ABHD2: variants seen among roughly 807,000 people sequenced by gnomAD.
ABHD2 encodes the protein monoacylglycerol lipase ABHD2.
ABHD2 carries 20 observed loss-of-function variants against 48.1 expected under a neutral mutation model. The observed-to-expected ratio is 0.42, with a 90% CI of 0.29 to 0.60. ABHD2 has a LOEUF of 0.60. Ranked by LOEUF, ABHD2 falls within the 20% of genes least tolerant of loss-of-function variation. ABHD2 has a pLI of 0.24. For missense variants in ABHD2, 405 were observed against 550.9 expected (o/e 0.74, Z 2.65); for synonymous variants, 209 against 214.2 (o/e 0.98, Z 0.21).
rs530657090 is a variant in ABHD2, at chr15:89,186,695, C to G, written c.815+1179C>G. 2.0e-4 allele frequency among the ~76,000 whole-genome samples: 30 copies of G among 152,240 alleles called. No homozygotes were observed. Among genetic ancestry groups the G allele is most frequent in the Middle Eastern group, 3.4e-3 (1 of 294 alleles). On this transcript the variant is annotated intron_variant, in intron 7 of 10. Transcript: ENST00000352732. The surrounding 1 kb of genome is among the most constrained non-coding windows in gnomAD (Gnocchi z 4.3). ...AGGGCTTAGGCATGTGTTGATTGCT[C>G]CCAGCACCCGAGACACACCCGTTCG... is the stretch of plus-strand genomic sequence containing the variant.
intron 3 of ABHD2, among the ~76,000 whole-genome samples, chr15:89,132,486 T>A (rs575569643): frequency 1.3e-5 from 2 of 152,310 alleles, no homozygotes; most frequent in Non-Finnish European, 2.9e-5. Flanking sequence ...TGAGCACCAT[T>A]GTTGTAACTA....
rs61602174 is a variant in ABHD2 at position 89,183,384 on chromosome 15, A to AAAAAAAAAAAAAT, written c.723-2039_723-2038insAAAAAAAAAAATA. The AAAAAAAAAAAAAT allele has an allele frequency of 6.5e-5, 3 of 46,268 alleles. 1 individual carries two copies. Among genetic ancestry groups the AAAAAAAAAAAAAT allele is most frequent in the African/African-American group, 2.1e-4 (3 of 14,422 alleles). 2.9% of individuals were successfully genotyped at this position (46,268 alleles called of 1,614,324 possible). On this transcript the variant is annotated intron_variant, in intron 6 of 10. Coordinates refer to ENST00000352732, the MANE Select transcript of ABHD2 (RefSeq NM_152924.5). ...AGTCCTTTTCAAAAAAAAAAAAAAA[A>AAAAAAAAAAAAAT]ATATATATATATATATATATATATA...
chr15:89,130,719 A>G (rs1408974507), intron 3 of ABHD2, among the ~76,000 whole-genome samples: 1 of 152,220 alleles, frequency 6.6e-6, no homozygotes, highest in Non-Finnish European at 1.5e-5. Flanking sequence ...ACACAAATTC[A>G]TAAACTTTCT....
chr15:89,165,012 T>G (rs2050816544), intron 5 of ABHD2, among the ~76,000 whole-genome samples: 1 of 152,258 alleles, frequency 6.6e-6, no homozygotes, highest in Non-Finnish European at 1.5e-5. Flanking sequence ...AGGACGAGTT[T>G]AAGAACCTGC....
the ABHD2 span, among the ~76,000 whole-genome samples, chr15:89,074,408 A>G: frequency 6.6e-6 from 1 of 152,090 alleles, no homozygotes; most frequent in African/African-American, 2.4e-5. Context: ...GAAGATCTTA[A>G]ACAATTCTGA....
At chr15:89,087,679 AG>A (rs1019121343), upstream of ABHD2, 4 of 152,274 alleles carry the variant, frequency 2.6e-5, no homozygotes, top group Non-Finnish European at 5.9e-5. The surrounding 1 kb of genome is among the most constrained non-coding windows in gnomAD (Gnocchi z 5.5). Flanking sequence ...GACTTGCCCA[AG>A]CCCACACAAC....
At chr15:89,150,587 T>G (rs1384267654) in intron 3 of ABHD2, among the ~76,000 whole-genome samples, 2 of 152,212 alleles carry the variant, frequency 1.3e-5, no homozygotes, top group African/African-American at 4.8e-5. Flanking sequence ...AGGTGATAGC[T>G]TCACTTCTCT....
At position 89,186,201 on chromosome 15, in the gene ABHD2, G is replaced by A. The variant is rs903625032; in HGVS notation, c.815+685G>A. Among the ~76,000 whole-genome samples the A allele has an allele frequency of 6.6e-6, 1 of 152,094 alleles. No homozygotes were observed. Among genetic ancestry groups the A allele is most frequent in the Non-Finnish European group, 1.5e-5 (1 of 68,014 alleles). ...CTTGGGCTTCTGACCAAGCAGCAGCGGGACAGGAGGCTCAGGGCATGGTTT... is the reference window on the plus strand; with the variant it reads ...CTTGGGCTTCTGACCAAGCAGCAGCAGGACAGGAGGCTCAGGGCATGGTTT... On this transcript the variant is annotated intron_variant, in intron 7 of 10. Transcript: ENST00000352732. This position sits in a 1 kb window ranked among gnomAD's most constrained non-coding sequence, Gnocchi z 4.3.
At chr15:89,147,574 C>G (rs887994676) in intron 3 of ABHD2, among the ~76,000 whole-genome samples, 47 of 150,852 alleles carry the variant, frequency 3.1e-4, no homozygotes, top group African/African-American at 1.1e-3. Context: ...AGGATGGTCT[C>G]GATCTCCTGA....
At chr15:89,067,389 A>C in the ABHD2 span, among the ~76,000 whole-genome samples, 1 of 152,212 alleles carries the variant, frequency 6.6e-6, no homozygotes, top group South Asian at 2.1e-4. Flanking sequence ...TTAAGTTACA[A>C]TCGATCTAAT....
In ABHD2 at chr15:89,174,113, G is replaced by T. The variant is rs1009038698; in HGVS notation, c.539-1699G>T. Among the ~76,000 whole-genome samples, 9 of 152,044 alleles carry T rather than the reference G, an allele frequency of 5.9e-5. No individual in the cohort carries two copies. Among genetic ancestry groups the T allele is most frequent in the African/African-American group, 2.2e-4 (9 of 41,390 alleles). On this transcript the variant is annotated intron_variant, in intron 5 of 10. Coordinates refer to ENST00000352732, the MANE Select transcript of ABHD2 (RefSeq NM_152924.5). The surrounding 1 kb of genome is among the most constrained non-coding windows in gnomAD (Gnocchi z 4.1). Reference sequence around the variant, plus strand: ...ATAAATGTGTAAAATTTCATTGATTGTGCATTTTCCTGTATGTATGTTATA... The same window carrying T: ...ATAAATGTGTAAAATTTCATTGATTTTGCATTTTCCTGTATGTATGTTATA...
the ABHD2 span, among the ~76,000 whole-genome samples, chr15:89,052,546 GACAGACAGA>G: frequency 1.5e-4 from 21 of 137,148 alleles, no homozygotes; most frequent in South Asian, 4.5e-4. Context: ...CAGACAGACA[GACAGACAGA>G]CAGACACACA....
In ABHD2 at chr15:89,195,036, C is replaced by G. The variant is rs1026985371; in HGVS notation, c.1082-191C>G. Among the ~76,000 whole-genome samples the G allele has an allele frequency of 2.0e-5, 3 of 152,216 alleles. No homozygotes were observed. The highest frequency in any genetic ancestry group is 4.4e-5 in the Non-Finnish European group (3 of 68,038). ...TTCAGCTCCAAAGCCAAGCTGTACTCTAAAACCTGCTAGATGCCACTGTCT... is the reference window on the plus strand; with the variant it reads ...TTCAGCTCCAAAGCCAAGCTGTACTGTAAAACCTGCTAGATGCCACTGTCT... On this transcript the variant is annotated intron_variant, in intron 10 of 10. Transcript: ENST00000352732. This position sits in a 1 kb window ranked among gnomAD's most constrained non-coding sequence, Gnocchi z 5.1.
intron 5 of ABHD2, among the ~76,000 whole-genome samples, chr15:89,161,643 C>T (rs372560149): frequency 6.6e-6 from 1 of 152,126 alleles, no homozygotes; most frequent in Non-Finnish European, 1.5e-5. Context: ...TTAGGTGATC[C>T]GCCCACCTCG....
chr15:89,123,340 A>G (rs976371893), intron 3 of ABHD2, among the ~76,000 whole-genome samples: 7 of 152,184 alleles, frequency 4.6e-5, no homozygotes, highest in African/African-American at 1.7e-4. Context: ...CGGAAATCCA[A>G]TTGGAATGCT....
intron 5 of ABHD2, among the ~76,000 whole-genome samples, chr15:89,158,686 G>A (rs2050713411): frequency 1.3e-5 from 2 of 152,258 alleles, no homozygotes; most frequent in South Asian, 2.1e-4. Context: ...AACATTTATT[G>A]TATGTTAGGT....
At position 89,155,019 on chromosome 15, in the gene ABHD2, A is replaced by G. The variant is rs184985068; in HGVS notation, c.371-348A>G. On this transcript the variant is annotated intron_variant, in intron 4 of 10. Coordinates refer to ENST00000352732, the MANE Select transcript of ABHD2 (RefSeq NM_152924.5). This position sits in a 1 kb window ranked among gnomAD's most constrained non-coding sequence, Gnocchi z 4.9. ...TTAAGAGTAATGTTCAGGAACTTCT[A>G]TAGCAATGTGACAGAGTAATTTTAT... Among the ~76,000 whole-genome samples the G allele has an allele frequency of 6.6e-6, 1 of 152,390 alleles. No homozygotes were observed. Among genetic ancestry groups the G allele is most frequent in the Admixed American group, 6.5e-5 (1 of 15,306 alleles).
intron 5 of ABHD2, among the ~76,000 whole-genome samples, chr15:89,163,295 G>A (rs1167143919): frequency 6.6e-6 from 1 of 152,240 alleles, no homozygotes; most frequent in Non-Finnish European, 1.5e-5. Context: ...GTTGAAAACA[G>A]ATCTGCCTTG....
rs2051164551 is a variant in ABHD2 at position 89,184,014 on chromosome 15, C to T, written c.723-1410C>T. Among the ~76,000 whole-genome samples, 1 of 152,126 alleles carries T rather than the reference C, an allele frequency of 6.6e-6. No individual in the cohort carries two copies. The highest frequency in any genetic ancestry group is 2.1e-4 in the South Asian group (1 of 4,818). On this transcript the variant is annotated intron_variant, in intron 6 of 10. Coordinates refer to ENST00000352732, the MANE Select transcript of ABHD2 (RefSeq NM_152924.5). The surrounding 1 kb of genome is among the most constrained non-coding windows in gnomAD (Gnocchi z 5.1). ...TCCCTCATGGTGGTCTGGTCCTATA[C>T]TCTTCCTGTAGTGCTTGGTTAGAGT... is the stretch of plus-strand genomic sequence containing the variant.
Sources: gnomAD v4.1 joint callset for allele counts (sites outside exome capture counted in the v4.1 genomes callset) on GRCh38, gnomAD v4.1.1 for gene constraint, Gnocchi (gnomAD v3.1) non-coding constraint, MANE v1.5 for transcripts, NCBI Gene and HGNC (gene_info 2026-07-23, HGNC 2026-07-21) for gene names.